CNTNAP4: variants seen among roughly 807,000 people sequenced by gnomAD.
The protein encoded by CNTNAP4 is contactin-associated protein-like 4.
A neutral mutation model predicts 148.4 loss-of-function variants in CNTNAP4; 98 were observed. The observed-to-expected ratio is 0.66, with a 90% CI of 0.56 to 0.78. The LOEUF (loss-of-function observed/expected upper bound fraction) is 0.78. CNTNAP4 is among the 30% of genes least tolerant of loss of function. The pLI is 0.00. For synonymous variants in CNTNAP4, 730 were observed against 565.1 expected (o/e 1.29, Z -4.14); for missense variants, 1,935 against 1,565.6 (o/e 1.24, Z -3.98).
At chr16:76,518,062 T>C (rs1317176323) in intron 15 of CNTNAP4, among the ~76,000 whole-genome samples, 1 of 152,170 alleles carries the variant, frequency 6.6e-6, no homozygotes, top group Non-Finnish European at 1.5e-5. Flanking sequence ...TATGGATTTA[T>C]TCTTTTATAT....
At chr16:76,423,139 T>G (rs1035341210) in intron 3 of CNTNAP4, among the ~76,000 whole-genome samples, 6 of 152,198 alleles carry the variant, frequency 3.9e-5, no homozygotes, top group South Asian at 2.1e-4. Context: ...TTTTGGACTT[T>G]CCAGCCTCCA....
At chr16:76,338,897 A>G (rs967717017) in intron 2 of CNTNAP4, among the ~76,000 whole-genome samples, 1 of 152,196 alleles carries the variant, frequency 6.6e-6, no homozygotes, top group Non-Finnish European at 1.5e-5. Context: ...ACTGTAGAAT[A>G]CAGAAGTGAT....
At chr16:76,293,828 TTTTTTTTA>T (rs1959178786) in intron 1 of CNTNAP4, among the ~76,000 whole-genome samples, 1 of 148,774 alleles carries the variant, frequency 6.7e-6, no homozygotes, top group South Asian at 2.2e-4. Context: ...GCTTTTTTTT[TTTTTTTTA>T]AAAAAAAGGA....
At chr16:76,356,392 A>G (rs1198697843) in intron 3 of CNTNAP4, among the ~76,000 whole-genome samples, 1 of 152,134 alleles carries the variant, frequency 6.6e-6, no homozygotes, top group African/African-American at 2.4e-5. Context: ...AAATGTGTAA[A>G]TTGCTGTGTG....
chr16:76,481,665 T>C (rs1207243005), intron 12 of CNTNAP4, among the ~76,000 whole-genome samples: 1 of 152,192 alleles, frequency 6.6e-6, no homozygotes, highest in Non-Finnish European at 1.5e-5. Flanking sequence ...GAAGTCAATA[T>C]TTTATGGAGC....
Position 76,307,909 on chromosome 16 carries a change from G to A in CNTNAP4, c.86-8504G>A, listed in dbSNP as rs118177700. On this transcript the variant is annotated intron_variant, in intron 1 of 23. Coordinates refer to ENST00000611870, the MANE Select transcript of CNTNAP4 (RefSeq NM_033401.5). Reference sequence around the variant, plus strand: ...GCTATAACTTGGAGCATGTAAGCCAGTGTTTGCCTCCAAATGAAAGCTTAG... The same window carrying A: ...GCTATAACTTGGAGCATGTAAGCCAATGTTTGCCTCCAAATGAAAGCTTAG... Among the ~76,000 whole-genome samples the A allele has an allele frequency of 3.7e-4, 57 of 152,290 alleles. No homozygotes were observed. In the East Asian group the frequency reaches 9.7e-3, roughly 26 times the overall value.
chr16:76,303,899 C>T lies in CNTNAP4; in HGVS notation c.86-12514C>T, dbSNP rs534687212. On this transcript the variant is annotated intron_variant, in intron 1 of 23. Coordinates refer to ENST00000611870, the MANE Select transcript of CNTNAP4 (RefSeq NM_033401.5). ...AGAGGGAAGGATAGCCATGTGGTTA[C>T]GAATGTTGAATGCTGATTTCTCTCT... is the stretch of plus-strand genomic sequence containing the variant. Among the ~76,000 whole-genome samples, 9 of 152,000 alleles carry T rather than the reference C, an allele frequency of 5.9e-5. No individual in the cohort carries two copies. The South Asian group carries it at 1.5e-3, about 25-fold the overall frequency.
rs778270211 is a variant in CNTNAP4 at position 76,540,709 on chromosome 16, G to T, written c.3361G>T (p.Asp1121Tyr). ...EEGVVFIEID[D>Y]NRRRQVHLSS... Reference sequence around the variant, plus strand: ...TTGTGTAATAATTTTGTAGATTGACGATAATAGAAGGAGACAAGTTCACCT... The same window carrying T: ...TTGTGTAATAATTTTGTAGATTGACTATAATAGAAGGAGACAAGTTCACCT... The change falls in exon 21 of 24, where the codon GAT (aspartate) becomes TAT (tyrosine). Residue 1121 changes from aspartate to tyrosine, a missense_variant. By Grantham distance (160) the Asp-to-Tyr change is radical. Transcript: ENST00000611870. 1.3e-6 allele frequency: 2 copies of T among 1,562,202 alleles called. No homozygotes were observed. Among genetic ancestry groups the T allele is most frequent in the Admixed American group, 1.9e-5 (1 of 53,344 alleles).
chr16:76,332,556 C>G (rs1963630139), intron 2 of CNTNAP4, among the ~76,000 whole-genome samples: 1 of 151,884 alleles, frequency 6.6e-6, no homozygotes, highest in South Asian at 2.1e-4. Flanking sequence ...TTATAATTCA[C>G]TTTTTATACT....
At chr16:76,435,944 G>A (rs1044028413) in intron 4 of CNTNAP4, among the ~76,000 whole-genome samples, 2 of 152,026 alleles carry the variant, frequency 1.3e-5, no homozygotes, top group Non-Finnish European at 2.9e-5. Context: ...TCCCATCCCT[G>A]TTCTCCAGAT....
At chr16:76,474,261 A>G (rs1405706784) in intron 10 of CNTNAP4, among the ~76,000 whole-genome samples, 3 of 152,192 alleles carry the variant, frequency 2.0e-5, no homozygotes, top group African/African-American at 7.2e-5. Context: ...CAGGTCCTTG[A>G]AAGACATACC....
At position 76,372,699 on chromosome 16, in the gene CNTNAP4, A is replaced by G. The variant is rs562206341; in HGVS notation, c.390+17188A>G. Among the ~76,000 whole-genome samples, 13 of 152,284 alleles carry G rather than the reference A, an allele frequency of 8.5e-5. No homozygotes were observed. The East Asian group carries it at 9.6e-4, about 11-fold the overall frequency. On this transcript the variant is annotated intron_variant, in intron 3 of 23. Coordinates refer to ENST00000611870, the MANE Select transcript of CNTNAP4 (RefSeq NM_033401.5). ...TGTGAGGCCTCCCCAGCCACATGGA[A>G]CTAAGTCCATTAAACCTCTTTTTCT...
At chr16:76,299,365 A>G (rs1376600513) in intron 1 of CNTNAP4, among the ~76,000 whole-genome samples, 1 of 152,250 alleles carries the variant, frequency 6.6e-6, no homozygotes, top group Non-Finnish European at 1.5e-5. Context: ...AAAAGAAGAC[A>G]TTTATGCAGC....
intron 3 of CNTNAP4, among the ~76,000 whole-genome samples, chr16:76,361,973 T>C (rs533841731): frequency 9.8e-4 from 149 of 152,308 alleles, no homozygotes; most frequent in Non-Finnish European, 1.7e-3. Context: ...TATATCTTCT[T>C]TGGAGAACTG....
At chr16:76,518,983 GCT>G (rs373493713) in intron 15 of CNTNAP4, among the ~76,000 whole-genome samples, 100 of 152,212 alleles carry the variant, frequency 6.6e-4, no homozygotes, top group African/African-American at 2.1e-3. Context: ...TGCCTGCTGA[GCT>G]CTGTTTCCTC....
At chr16:76,444,386 A>T (rs1219849077) in intron 4 of CNTNAP4, among the ~76,000 whole-genome samples, 4 of 150,592 alleles carry the variant, frequency 2.7e-5, no homozygotes, top group South Asian at 4.2e-4. Flanking sequence ...TTCTACAATG[A>T]CATTGAGAAG....
intron 4 of CNTNAP4, among the ~76,000 whole-genome samples, chr16:76,428,202 A>AT (rs1300338993): frequency 6.6e-6 from 1 of 152,130 alleles, no homozygotes; most frequent in Non-Finnish European, 1.5e-5. Context: ...TATTATATAT[A>AT]TTTTTTGTGA....
At chr16:76,498,783 A>G (rs1279935251) in intron 15 of CNTNAP4, 89 bp downstream of exon 15, 2 of 1,281,332 alleles carry the variant, frequency 1.6e-6, no homozygotes, top group Non-Finnish European at 2.1e-6. Flanking sequence ...TCTATCATAT[A>G]ATAACTAATC....
rs951716622 is a variant in CNTNAP4, at chr16:76,522,743, T to C, written c.2755+486T>C. 1.4e-3 allele frequency among the ~76,000 whole-genome samples: 145 copies of C among 104,246 alleles called. 6 individuals are homozygous for C. Among genetic ancestry groups the C allele is most frequent in the African/African-American group, 3.7e-3 (90 of 24,218 alleles). 68.4% of individuals were successfully genotyped at this position (104,246 alleles called of 152,430 possible). A position where few individuals can be genotyped will look rare whatever the true frequency, so the allele number is the denominator to read the frequency against. ...TTTCTTTTCTTTTCTTTTCTTTTCT[T>C]TTCTTTTCTTTTCTTTTCTTTTCTT... On this transcript the variant is annotated intron_variant, in intron 17 of 23. Coordinates refer to ENST00000611870, the MANE Select transcript of CNTNAP4 (RefSeq NM_033401.5).
Sources: allele counts gnomAD v4.1 joint callset (sites outside exome capture counted in the v4.1 genomes callset), GRCh38; gene constraint gnomAD v4.1.1; transcripts MANE v1.5; gene names NCBI Gene and HGNC (gene_info 2026-07-23, HGNC 2026-07-21).